ATG5: variants seen among roughly 807,000 people sequenced by gnomAD.
ATG5 encodes the protein autophagy protein 5.
ATG5 carries 14 observed loss-of-function variants against 36.5 expected under a neutral mutation model. That is an observed-to-expected ratio of 0.38 (90% CI 0.25 to 0.60). ATG5 has a LOEUF of 0.60. Ranked by LOEUF, ATG5 falls within the 20% of genes least tolerant of loss-of-function variation. The pLI is 0.60. For synonymous variants in ATG5, 95 were observed against 101.5 expected (o/e 0.94, Z 0.38); for missense variants, 195 against 326.7 (o/e 0.60, Z 3.11).
chr6:106,315,288 C>A (rs1770797703), intron 2 of ATG5, among the ~76,000 whole-genome samples: 1 of 152,122 alleles, frequency 6.6e-6, no homozygotes, highest in Non-Finnish European at 1.5e-5. Context: ...TTTTCCACAT[C>A]ATCTCCAGGT....
At chr6:106,306,299 A>T (rs1322847167) in intron 3 of ATG5, among the ~76,000 whole-genome samples, 1 of 152,220 alleles carries the variant, frequency 6.6e-6, no homozygotes, top group Non-Finnish European at 1.5e-5. Flanking sequence ...TATTGAATAC[A>T]AGAATAACCA....
At chr6:106,235,143 T>C (rs866607971) in intron 6 of ATG5, among the ~76,000 whole-genome samples, 1 of 152,136 alleles carries the variant, frequency 6.6e-6, no homozygotes, top group African/African-American at 2.4e-5. Context: ...CCCTGGATTC[T>C]CCCCTTCTTA....
In ATG5 at chr6:106,308,466, A is replaced by T; in HGVS notation, c.134T>A (p.Leu45Ter). Residue 45 changes from leucine to a stop codon, truncating the protein, a stop_gained, in exon 3 of 8, where the codon TTG becomes TAG. Coordinates refer to ENST00000369076, the MANE Select transcript of ATG5 (RefSeq NM_004849.4). LOFTEE classifies it high-confidence loss of function. ...YYLLLPRVSY[L>*]TLVTDKVKKH... is the part of the protein sequence containing the mutation. ...TTTCACTTTGTCAGTTACCAACGTC[A>T]AATAACTTACTCTTGGCAAAAGCAA... The T allele has an allele frequency of 6.3e-7, 1 of 1,590,994 alleles. No homozygotes were observed. Among genetic ancestry groups the T allele is most frequent in the South Asian group, 1.1e-5 (1 of 87,046 alleles).
intron 5 of ATG5, among the ~76,000 whole-genome samples, chr6:106,260,567 C>T (rs1019073484): frequency 2.6e-5 from 4 of 152,088 alleles, no homozygotes; most frequent in South Asian, 2.1e-4. Flanking sequence ...TCATTTTACC[C>T]CTCTTTTTCA....
At chr6:106,230,753 A>G (rs2114461560) in intron 6 of ATG5, among the ~76,000 whole-genome samples, 1 of 152,190 alleles carries the variant, frequency 6.6e-6, no homozygotes, top group Non-Finnish European at 1.5e-5. Context: ...AAAAAAAGAC[A>G]TATTCTTCTG....
At chr6:106,197,035 T>C (rs1042346744) in intron 7 of ATG5, among the ~76,000 whole-genome samples, 1 of 152,198 alleles carries the variant, frequency 6.6e-6, no homozygotes, top group Non-Finnish European at 1.5e-5. Context: ...CTAGCAAATA[T>C]GGATCATTTT....
At chr6:106,211,739 T>G (rs1776860089) in intron 6 of ATG5, among the ~76,000 whole-genome samples, 1 of 152,176 alleles carries the variant, frequency 6.6e-6, no homozygotes, top group Non-Finnish European at 1.5e-5. Flanking sequence ...CCCTGTAAAC[T>G]GAATGCATAA....
At chr6:106,304,233 C>T (rs986347959) in intron 3 of ATG5, 2 of 151,992 alleles carry the variant, frequency 1.3e-5, no homozygotes, top group African/African-American at 4.8e-5. Context: ...TTAGCATGGC[C>T]CTGCACAACG....
intron 6 of ATG5, among the ~76,000 whole-genome samples, chr6:106,208,041 G>A (rs1307259069): frequency 4.6e-5 from 7 of 152,096 alleles, no homozygotes; most frequent in African/African-American, 7.2e-5. Flanking sequence ...GCAGTGAGCC[G>A]AAATCGCGCC....
chr6:106,236,721 TAC>T lies in ATG5; in HGVS notation c.573+11427_573+11428del, dbSNP rs1370716673. On this transcript the variant is annotated intron_variant, in intron 6 of 7. Transcript: ENST00000369076. The stretch of plus-strand genomic sequence containing the variant: ...GCCTATTTCCCTCAAGTGAATAAAC[TAC>T]AGTCTTGGAATGAAAAATTAAACAC... Among the ~76,000 whole-genome samples the T allele has an allele frequency of 3.9e-5, 6 of 152,336 alleles. No individual in the cohort carries two copies. The East Asian group carries it at 7.7e-4, about 20-fold the overall frequency.
intron 1 of ATG5, among the ~76,000 whole-genome samples, chr6:106,324,870 A>G (rs1286524382): frequency 1.3e-5 from 2 of 152,238 alleles, no homozygotes; most frequent in African/African-American, 4.8e-5. Context: ...TCAAGGTCTC[A>G]GAAATTTAAC....
intron 6 of ATG5, among the ~76,000 whole-genome samples, chr6:106,207,536 T>TA (rs904645501): frequency 2.7e-4 from 40 of 145,894 alleles, no homozygotes; most frequent in East Asian, 8.0e-4. Context: ...CCTCATCTCT[T>TA]AAAAAAAAAA....
chr6:106,209,556 C>T (rs1441880244), intron 6 of ATG5, among the ~76,000 whole-genome samples: 1 of 152,070 alleles, frequency 6.6e-6, no homozygotes. Context: ...GTGGCTGTGG[C>T]TATAAAAGGG....
At chr6:106,300,067 T>C (rs1029255830) in intron 3 of ATG5, among the ~76,000 whole-genome samples, 1 of 152,214 alleles carries the variant, frequency 6.6e-6, no homozygotes, top group Non-Finnish European at 1.5e-5. Context: ...CATTCTTATA[T>C]ATGAAAAAGT....
rs189715358 is a variant in ATG5, at chr6:106,297,874, T to C, written c.237-4768A>G. ...TTGCTTGAGCCCAGGAGTTCGACAC[T>C]AGCCTGAGCAACATGGCAAAACCCT... On this transcript the variant is annotated intron_variant, in intron 3 of 7. Coordinates refer to ENST00000369076, the MANE Select transcript of ATG5 (RefSeq NM_004849.4). 2.3e-3 allele frequency among the ~76,000 whole-genome samples: 343 copies of C among 151,382 alleles called. 3 individuals are homozygous for C. Among genetic ancestry groups the C allele is most frequent in the Non-Finnish European group, 3.7e-3 (253 of 67,838 alleles).
At chr6:106,288,900 T>C (rs923075094) in intron 4 of ATG5, among the ~76,000 whole-genome samples, 2 of 152,212 alleles carry the variant, frequency 1.3e-5, no homozygotes, top group East Asian at 1.9e-4. Flanking sequence ...TAACAGTGTT[T>C]TTTTGAAGAG....
chr6:106,290,097 G>GCTC (rs1780242912), intron 4 of ATG5, among the ~76,000 whole-genome samples: 1 of 151,650 alleles, frequency 6.6e-6, no homozygotes, highest in African/African-American at 2.4e-5. Flanking sequence ...GAGTGGTACA[G>GCTC]CTCAATGTAA....
At chr6:106,224,920 T>A (rs961366662) in intron 6 of ATG5, among the ~76,000 whole-genome samples, 1 of 151,890 alleles carries the variant, frequency 6.6e-6, no homozygotes, top group Non-Finnish European at 1.5e-5. Flanking sequence ...AACACAGAAA[T>A]ACATCAATTA....
In ATG5 at chr6:106,249,191, A is replaced by G. The variant is rs186994364; in HGVS notation, c.479-947T>C. ...AGTATACAACTTAGTGGTTTTCAGT[A>G]TATTCAGAGTTCAGAACATTTTCAG... On this transcript the variant is annotated intron_variant, in intron 5 of 7. Transcript: ENST00000369076. 4.5e-3 allele frequency among the ~76,000 whole-genome samples: 687 copies of G among 152,106 alleles called. 5 individuals are homozygous for G. The highest frequency in any genetic ancestry group is 0.016 in the African/African-American group (648 of 41,374).
Sources: allele counts gnomAD v4.1 joint callset (sites outside exome capture counted in the v4.1 genomes callset), GRCh38; gene constraint gnomAD v4.1.1; transcripts MANE v1.5; gene names NCBI Gene and HGNC (gene_info 2026-07-23, HGNC 2026-07-21).